The following RFWD3 variants were observed in gnomAD, a reference collection of about 807,000 sequenced individuals.
RFWD3 encodes the protein ring finger and WD repeat domain 3.
RFWD3 carries 65 observed loss-of-function variants against 87.7 expected under a neutral mutation model. The ratio of observed to expected loss-of-function variants is 0.74; its 90% CI spans 0.61 to 0.91. The LOEUF (loss-of-function observed/expected upper bound fraction) is 0.91, where lower values mean the gene tolerates loss of function less well. Ranked by LOEUF, RFWD3 falls within the 40% of genes least tolerant of loss-of-function variation. The pLI, the probability that RFWD3 is intolerant of heterozygous loss-of-function variation, is 0.00. For missense variants in RFWD3, 1,078 were observed against 938.5 expected (o/e 1.15, Z -1.94); for synonymous variants, 433 against 352.8 (o/e 1.23, Z -2.55).
rs1276192769 is a variant in RFWD3, at chr16:74,635,116, T to C, written c.1426+1230A>G. On this transcript the variant is annotated intron_variant, in intron 8 of 12. Transcript: ENST00000361070. ...TAACACGGTGAAACTCCGTCTCTTC[T>C]AAAAATACAAAAAATTAGCTGGGTG... 2.6e-5 allele frequency among the ~76,000 whole-genome samples: 4 copies of C among 151,876 alleles called. No individual in the cohort carries two copies. The East Asian group carries it at 7.8e-4, about 30-fold the overall frequency.
intron 6 of RFWD3, among the ~76,000 whole-genome samples, chr16:74,639,062 C>T (rs555898146): frequency 8.4e-5 from 12 of 142,210 alleles, no homozygotes; most frequent in African/African-American, 3.2e-4. Context: ...TTTTTTAGCC[C>T]GAGTCTCACT....
chr16:74,644,343 G>C lies in RFWD3; in HGVS notation c.1079+19C>G. On this transcript the variant is annotated intron_variant, in intron 6 of 12. Coordinates refer to ENST00000361070, the MANE Select transcript of RFWD3 (RefSeq NM_018124.4). The stretch of plus-strand genomic sequence containing the variant: ...AACCAAAAGGGAACATTCCAGCCAG[G>C]CATACTCTTACCACCTACCTTTTCA... 6.2e-7 allele frequency: 1 copy of C among 1,610,532 alleles called. No homozygotes were observed.
chr16:74,662,283 A>C, intron 1 of RFWD3, among the ~76,000 whole-genome samples: 1 of 152,178 alleles, frequency 6.6e-6, no homozygotes. Context: ...TTTAAAGTAC[A>C]TCAGTATAAC....
chr16:74,651,061 A>T (rs534717194), intron 3 of RFWD3, among the ~76,000 whole-genome samples: 125 of 152,274 alleles, frequency 8.2e-4, no homozygotes, highest in Admixed American at 7.6e-3. Flanking sequence ...GTTTTGGAAA[A>T]TTATATAAAT....
chr16:74,658,918 C>T (rs1961211322), intron 2 of RFWD3, among the ~76,000 whole-genome samples: 1 of 152,056 alleles, frequency 6.6e-6, no homozygotes, highest in Non-Finnish European at 1.5e-5. Flanking sequence ...CAGGTGTGTG[C>T]CACCACGCCC....
At chr16:74,663,920 C>T (rs1961668985) in intron 1 of RFWD3, among the ~76,000 whole-genome samples, 1 of 152,178 alleles carries the variant, frequency 6.6e-6, no homozygotes, top group Admixed American at 6.5e-5. Flanking sequence ...GGTTAAAAGC[C>T]AGTAAAGCAG....
intron 8 of RFWD3, among the ~76,000 whole-genome samples, chr16:74,633,351 A>G (rs991311813): frequency 6.6e-6 from 1 of 151,920 alleles, no homozygotes; most frequent in Non-Finnish European, 1.5e-5. Flanking sequence ...GAAGAAGAAA[A>G]AAAAAAAGAA....
intron 8 of RFWD3, among the ~76,000 whole-genome samples, chr16:74,634,390 A>G (rs1367754958): frequency 2.0e-5 from 3 of 151,614 alleles, no homozygotes; most frequent in African/African-American, 4.8e-5. Flanking sequence ...ATATATATAT[A>G]TATATATATT....
intron 4 of RFWD3, among the ~76,000 whole-genome samples, chr16:74,647,281 T>C (rs1457103031): frequency 6.6e-6 from 1 of 152,058 alleles, no homozygotes; most frequent in Non-Finnish European, 1.5e-5. Context: ...CAATGATGTA[T>C]AGGTGTTATT....
intron 2 of RFWD3, among the ~76,000 whole-genome samples, chr16:74,659,509 C>T (rs190235353): frequency 1.3e-5 from 2 of 152,076 alleles, no homozygotes; most frequent in African/African-American, 2.4e-5. Flanking sequence ...GCACAAGAAT[C>T]GCTTGAACCC....
chr16:74,629,862 T>G (rs1959038229), intron 10 of RFWD3, among the ~76,000 whole-genome samples: 1 of 152,202 alleles, frequency 6.6e-6, no homozygotes, highest in Non-Finnish European at 1.5e-5. Context: ...TTTTGATAAC[T>G]TTATACCTAC....
Position 74,628,519 on chromosome 16 carries a change from C to A in RFWD3, c.1902G>T (p.Glu634Asp). Residue 634 changes from glutamate to aspartate, a missense_variant, in exon 11 of 13, where the codon GAG becomes GAT. Physicochemically the swap from Glu to Asp is conservative, Grantham distance 45. Transcript: ENST00000361070. The stretch of plus-strand genomic sequence containing the variant: ...TCTGAAAGTCTATGCAGCCCCCTGG[C>A]TCCAAGGGCAGCACATGAGGCCAAT... The part of the protein sequence containing the change: ...FSHWPHVLPL[E>D]PGGCIDFQTE... The A allele has an allele frequency of 6.2e-7, 1 of 1,614,186 alleles. No individual in the cohort carries two copies.
At chr16:74,661,580 GAGA>G in intron 1 of RFWD3, 129 bp from the exon 2 acceptor site, 1 of 898,404 alleles carries the variant, frequency 1.1e-6, no homozygotes, top group East Asian at 2.6e-5. Flanking sequence ...GAAGCTTCAA[GAGA>G]AGATTTTAAC....
intron 11 of RFWD3, among the ~76,000 whole-genome samples, chr16:74,626,830 T>C (rs958783303): frequency 5.4e-5 from 8 of 148,478 alleles, no homozygotes; most frequent in Middle Eastern, 3.2e-3. Flanking sequence ...CTGTGAGTTG[T>C]CTGTTTTAGT....
At chr16:74,624,326 A>T (rs928008713) in intron 12 of RFWD3, among the ~76,000 whole-genome samples, 5 of 152,176 alleles carry the variant, frequency 3.3e-5, no homozygotes, top group African/African-American at 1.2e-4. Flanking sequence ...CCATTCATTC[A>T]ATGTGCCAGC....
intron 1 of RFWD3, among the ~76,000 whole-genome samples, chr16:74,664,925 C>G (rs916132209): frequency 4.6e-5 from 7 of 152,152 alleles, no homozygotes; most frequent in African/African-American, 1.7e-4. Context: ...AGCTTCCTAA[C>G]CACTGTAGGC....
chr16:74,646,994 G>C (rs147552508), intron 4 of RFWD3, among the ~76,000 whole-genome samples: 1,978 of 152,154 alleles, frequency 0.013, 42 homozygotes, highest in African/African-American at 0.045. Context: ...GGCTGAGGCA[G>C]GAGAATGGTG....
chr16:74,645,777 G>C (rs1960085305), intron 4 of RFWD3, among the ~76,000 whole-genome samples: 1 of 105,790 alleles, frequency 9.5e-6, no homozygotes, highest in African/African-American at 3.7e-5. Flanking sequence ...TTTTGAGACA[G>C]ACTCTCGCTC....
rs1961398392 is a variant in RFWD3, at chr16:74,661,134, A to T, written c.316T>A (p.Ser106Thr). The change falls in exon 2 of 13, where the codon TCT (serine) becomes ACT (threonine). Residue 106 changes from serine to threonine, a missense_variant. Physicochemically the swap from Ser to Thr is moderately conservative, Grantham distance 58 (BLOSUM62 1). Coordinates refer to ENST00000361070, the MANE Select transcript of RFWD3 (RefSeq NM_018124.4). ...GCTGGGATGGTGTGATTACCATCAG[A>T]TCCCTGCCTATGTTGTTCTGAAGTT... Reference protein sequence around the residue: ...PRTSEQHRQGSDGNHTIPASS... With the variant: ...PRTSEQHRQGTDGNHTIPASS... The T allele has an allele frequency of 1.2e-6, 2 of 1,614,198 alleles. No individual in the cohort carries two copies. Among genetic ancestry groups the T allele is most frequent in the South Asian group, 1.1e-5 (1 of 91,086 alleles).
Sources: gnomAD v4.1 joint callset for allele counts (sites outside exome capture counted in the v4.1 genomes callset) on GRCh38, gnomAD v4.1.1 for gene constraint, MANE v1.5 for transcripts, NCBI Gene and HGNC (gene_info 2026-07-23, HGNC 2026-07-21) for gene names.